The following TOGARAM1 variants were observed in gnomAD, a reference collection of about 807,000 sequenced individuals.
TOGARAM1 encodes the protein TOG array regulator of axonemal microtubules protein 1.
TOGARAM1 carries 100 observed loss-of-function variants against 166.6 expected under a neutral mutation model. The observed-to-expected ratio is 0.60, with a 90% CI of 0.51 to 0.71. The LOEUF is 0.71. TOGARAM1 is among the 30% of genes least tolerant of loss of function. The pLI, the probability that TOGARAM1 is intolerant of heterozygous loss-of-function variation, is 0.00. For missense variants in TOGARAM1, 2,029 were observed against 2,102.7 expected (o/e 0.96, Z 0.69); for synonymous variants, 758 against 763.8 (o/e 0.99, Z 0.13).
intron 16 of TOGARAM1, among the ~76,000 whole-genome samples, chr14:45,058,669 ATAGTTGGATCATGTTT>A (rs1176634454): frequency 6.6e-6 from 1 of 152,160 alleles, no homozygotes; most frequent in African/African-American, 2.4e-5. Context: ...TAAGCAGCAT[ATAGTTGGATCATGTTT>A]TTTATCCAGT....
At chr14:45,038,523 A>G (rs974519561) in intron 11 of TOGARAM1, among the ~76,000 whole-genome samples, 1 of 152,248 alleles carries the variant, frequency 6.6e-6, no homozygotes. Context: ...TTCCTGCTAC[A>G]GCGGGACCAG....
At chr14:45,066,539 A>G in intron 16 of TOGARAM1, 39 bp from the exon 17 acceptor site, 1 of 1,484,582 alleles carries the variant, frequency 6.7e-7, no homozygotes, top group Non-Finnish European at 9.1e-7. Context: ...TTTATAGGAA[A>G]GTACAAATGA....
chr14:45,052,529 T>A lies in TOGARAM1; in HGVS notation c.4407T>A (p.Tyr1469Ter). 1.2e-6 allele frequency: 2 copies of A among 1,609,496 alleles called. No homozygotes were observed. The highest frequency in any genetic ancestry group is 1.7e-6 in the Non-Finnish European group (2 of 1,177,310). ...EKYVPSKDLP[Y>*]IKDSVRNLQQ... ...ATGTCCCATCTAAAGATTTGCCATA[T>A]ATTAAGGACTCTGTTAGAAACTTAC... Residue 1469 changes from tyrosine (Y) to a stop codon, truncating the protein, a stop_gained, in exon 15 of 20, where the codon TAT (tyrosine) becomes TAA (stop). Transcript: ENST00000361462. LOFTEE classifies it high-confidence loss of function.
In TOGARAM1 at chr14:45,008,975, C is replaced by T; in HGVS notation, c.2967C>T (p.Gly989=). The T allele has an allele frequency of 3.1e-6, 5 of 1,614,066 alleles. No homozygotes were observed. The highest frequency in any genetic ancestry group is 4.2e-6 in the Non-Finnish European group (5 of 1,179,980). Residue 989 remains glycine (G), a synonymous_variant, in exon 6 of 20, where the codon GGC becomes GGT. Transcript: ENST00000361462. ...SAAKKRAKLS[G]STSDLESPDS... is the part of the protein sequence containing the mutation. ...CTAAGAAAAGAGCAAAACTGAGTGG[C>T]AGTACTTCAGATCTTGAAAGCCCTG...
intron 7 of TOGARAM1, among the ~76,000 whole-genome samples, chr14:45,022,082 C>T (rs530011382): frequency 1.3e-5 from 2 of 151,960 alleles, no homozygotes; most frequent in South Asian, 2.1e-4. Context: ...CGACCTTCCC[C>T]GAGGATTGTG....
intron 7 of TOGARAM1, among the ~76,000 whole-genome samples, chr14:45,024,015 A>G (rs1880682306): frequency 6.6e-6 from 1 of 152,210 alleles, no homozygotes; most frequent in South Asian, 2.1e-4. Context: ...TGCTGGGATT[A>G]CAGGCGTGAG....
Position 44,963,142 on chromosome 14 carries a change from T to A in TOGARAM1, c.721T>A (p.Leu241Met). The change falls in exon 1 of 20, where the codon TTG becomes ATG. Residue 241 changes from leucine to methionine, a missense_variant. Physicochemically the swap from Leu to Met is conservative, Grantham distance 15. Coordinates refer to ENST00000361462, the MANE Select transcript of TOGARAM1 (RefSeq NM_001308120.2). ...TTCCACAGCACTACTGCTTCCCATC[T>A]TGCTTACTACTGAGGACTTGTTGCT... The part of the protein sequence containing the change: ...RASTALLLPI[L>M]LTTEDLLLGL... The A allele has an allele frequency of 6.2e-7, 1 of 1,614,210 alleles. No individual in the cohort carries two copies. The highest frequency in any genetic ancestry group is 8.5e-7 in the Non-Finnish European group (1 of 1,180,042).
chr14:44,996,824 G>A (rs1033489332), intron 2 of TOGARAM1: 12 of 152,230 alleles, frequency 7.9e-5, no homozygotes, highest in Admixed American at 7.8e-4. Context: ...GGGGAAGAGA[G>A]TGAAGAGGAA....
intron 8 of TOGARAM1, among the ~76,000 whole-genome samples, 197 bp from the exon 9 acceptor site, chr14:45,027,099 TATC>T (rs1880895587): frequency 6.6e-6 from 1 of 152,230 alleles, no homozygotes; most frequent in Non-Finnish European, 1.5e-5. Context: ...TCTCACTTAT[TATC>T]ATGAACTGCA....
At chr14:44,965,123 A>T (rs1222500082) in intron 1 of TOGARAM1, among the ~76,000 whole-genome samples, 4 of 152,182 alleles carry the variant, frequency 2.6e-5, no homozygotes, top group Non-Finnish European at 4.4e-5. Context: ...ACATCTTGAC[A>T]TATTTCCTCC....
At position 45,063,070 on chromosome 14, in the gene TOGARAM1, T is replaced by C. The variant is rs182102423; in HGVS notation, c.4560-3508T>C. On this transcript the variant is annotated intron_variant, in intron 16 of 19. Coordinates refer to ENST00000361462, the MANE Select transcript of TOGARAM1 (RefSeq NM_001308120.2). ...AAAGGAAATCATATGATATGTGGTC[T>C]TTTGTGACTGGCTTCTTATACTTAC... is the stretch of plus-strand genomic sequence containing the variant. 5.4e-3 allele frequency among the ~76,000 whole-genome samples: 829 copies of C among 152,346 alleles called. 28 individuals carry two copies. The highest frequency in any genetic ancestry group is 0.045 in the Admixed American group (692 of 15,296).
At chr14:45,003,016 G>A (rs1318136879) in intron 3 of TOGARAM1, among the ~76,000 whole-genome samples, 2 of 152,036 alleles carry the variant, frequency 1.3e-5, no homozygotes, top group East Asian at 3.9e-4. Context: ...AAATCTCTAG[G>A]AATATATGAG....
At position 44,962,998 on chromosome 14, in the gene TOGARAM1, C is replaced by G. The variant is rs1158713718; in HGVS notation, c.577C>G (p.Pro193Ala). The stretch of plus-strand genomic sequence containing the variant: ...AGTTGTCTCGTTACGGGAAGAGAAT[C>G]CAGCCCTGCGGAAAGATGCGCTGCA... The part of the protein sequence containing the change: ...QLVVSLREEN[P>A]ALRKDALQIL... The change falls in exon 1 of 20, where the codon CCA (proline) becomes GCA (alanine). Residue 193 changes from proline (P) to alanine (A), a missense_variant. Pro to Ala is a conservative substitution (Grantham distance 27). Transcript: ENST00000361462. The G allele has an allele frequency of 5.6e-6, 9 of 1,614,062 alleles. No individual in the cohort carries two copies. Among genetic ancestry groups the G allele is most frequent in the African/African-American group, 1.3e-5 (1 of 74,928 alleles).
At chr14:44,968,146 A>T (rs1357356761) in intron 1 of TOGARAM1, among the ~76,000 whole-genome samples, 1 of 152,268 alleles carries the variant, frequency 6.6e-6, no homozygotes, top group Admixed American at 6.5e-5. Flanking sequence ...TGTTCAAAAA[A>T]GGTCTTAGAA....
chr14:45,046,818 G>A, intron 14 of TOGARAM1, 115 bp downstream of exon 14: 2 of 859,392 alleles, frequency 2.3e-6, no homozygotes, highest in Non-Finnish European at 3.1e-6. Context: ...GGGGTCCCAG[G>A]GATTGGTGCT....
intron 10 of TOGARAM1, among the ~76,000 whole-genome samples, chr14:45,028,665 G>A (rs1272909219): frequency 3.3e-5 from 5 of 152,074 alleles, no homozygotes; most frequent in African/African-American, 1.2e-4. Context: ...ATCCAAAAAG[G>A]CCATTGCATT....
chr14:44,966,382 A>C (rs1885540854), intron 1 of TOGARAM1, among the ~76,000 whole-genome samples: 1 of 151,940 alleles, frequency 6.6e-6, no homozygotes, highest in Admixed American at 6.5e-5. Context: ...CTGAGGCAAA[A>C]GAATCACTTG....
intron 2 of TOGARAM1, chr14:44,996,565 A>G (rs1887421887): frequency 6.6e-6 from 1 of 152,240 alleles, no homozygotes; most frequent in African/African-American, 2.4e-5. Flanking sequence ...ATTTTGAAGA[A>G]AGAATTGACA....
intron 12 of TOGARAM1, 25 bp from the exon 13 acceptor site, chr14:45,044,610 A>G: frequency 2.6e-6 from 4 of 1,517,104 alleles, no homozygotes; most frequent in South Asian, 1.2e-5. Context: ...TATCAGCAAA[A>G]TGTACATTTT....
Sources: gnomAD v4.1 joint callset for allele counts (sites outside exome capture counted in the v4.1 genomes callset) on GRCh38, gnomAD v4.1.1 for gene constraint, MANE v1.5 for transcripts, NCBI Gene and HGNC (gene_info 2026-07-23, HGNC 2026-07-21) for gene names.